COLEC12: variants seen among roughly 807,000 people sequenced by gnomAD.
COLEC12 encodes collectin-12.
COLEC12 carries 33 observed loss-of-function variants against 71.1 expected under a neutral mutation model. The observed-to-expected ratio is 0.46, with a 90% CI of 0.35 to 0.62. The LOEUF is 0.62. Ranked by LOEUF, COLEC12 falls within the 20% of genes least tolerant of loss-of-function variation. COLEC12 has a pLI of 0.00. For synonymous variants in COLEC12, 350 were observed against 353.0 expected (o/e 0.99, Z 0.10); for missense variants, 765 against 916.1 (o/e 0.84, Z 2.13).
intron 2 of COLEC12, among the ~76,000 whole-genome samples, chr18:462,464 C>G (rs1193022420): frequency 1.3e-5 from 2 of 152,088 alleles, no homozygotes; most frequent in Non-Finnish European, 2.9e-5. Context: ...TCAGCACAGG[C>G]AAATCCATAG....
At chr18:393,838 C>T (rs72861804) in intron 2 of COLEC12, among the ~76,000 whole-genome samples, 4,082 of 152,280 alleles carry the variant, frequency 0.027, 76 homozygotes, top group Non-Finnish European at 0.04. Context: ...GTTCCAGATG[C>T]CTAATAGATG....
At chr18:473,016 T>C (rs1309327293) in intron 2 of COLEC12, among the ~76,000 whole-genome samples, 1 of 152,114 alleles carries the variant, frequency 6.6e-6, no homozygotes, top group Non-Finnish European at 1.5e-5. Context: ...GGTTTTATAA[T>C]ATCAATATAT....
In COLEC12 at chr18:362,549, C is replaced by T. The variant is rs1914768899; in HGVS notation, c.59-5027G>A. Among the ~76,000 whole-genome samples the T allele has an allele frequency of 6.6e-6, 1 of 151,342 alleles. No homozygotes were observed. Among genetic ancestry groups the T allele is most frequent in the Non-Finnish European group, 1.5e-5 (1 of 67,878 alleles). On this transcript the variant is annotated intron_variant, in intron 2 of 9. Transcript: ENST00000400256. The surrounding 1 kb of genome is among the most constrained non-coding windows in gnomAD (Gnocchi z 4.6). ...TGTAGTGTTTGTTTTCTTAGCATTACTTTCCAGAGCCTGGGGACTTTGTTC... is the reference window on the plus strand; with the variant it reads ...TGTAGTGTTTGTTTTCTTAGCATTATTTTCCAGAGCCTGGGGACTTTGTTC...
chr18:401,174 C>T (rs1004338286), intron 2 of COLEC12, among the ~76,000 whole-genome samples: 1 of 152,238 alleles, frequency 6.6e-6, no homozygotes, highest in East Asian at 1.9e-4. Context: ...CCCAGCTATT[C>T]TCACCAATAC....
In COLEC12 at chr18:480,781, T is replaced by C. The variant is rs904255820; in HGVS notation, c.8-24A>G. 25 of 1,610,296 alleles carry C rather than the reference T, an allele frequency of 1.6e-5. No homozygotes were observed. The highest frequency in any genetic ancestry group is 2.1e-5 in the Non-Finnish European group (25 of 1,176,492). On this transcript the variant is annotated intron_variant, in intron 1 of 9. Coordinates refer to ENST00000400256, the MANE Select transcript of COLEC12 (RefSeq NM_130386.3). This position sits in a 1 kb window ranked among gnomAD's most constrained non-coding sequence, Gnocchi z 4.1. ...GTCTGTGAGAGAAGAAGAGACACGA[T>C]GTTAATCCTGGCAAGGGGCACAGAA...
chr18:411,298 A>G (rs80002967), intron 2 of COLEC12, among the ~76,000 whole-genome samples: 1,567 of 152,300 alleles, frequency 0.01, 8 homozygotes, highest in Middle Eastern at 0.02. Flanking sequence ...ATAATACTAA[A>G]ATATCCTGGT....
At chr18:415,158 CTAACAT>C (rs1443202484) in intron 2 of COLEC12, among the ~76,000 whole-genome samples, 5 of 152,228 alleles carry the variant, frequency 3.3e-5, no homozygotes, top group African/African-American at 1.2e-4. Flanking sequence ...TTGCAGTTTA[CTAACAT>C]TATTTCATTT....
At chr18:368,316 T>TA (rs1914898949) in intron 2 of COLEC12, among the ~76,000 whole-genome samples, 1 of 152,238 alleles carries the variant, frequency 6.6e-6, no homozygotes, top group African/African-American at 2.4e-5. Context: ...CTCATGTCTG[T>TA]AATCCCAACA....
In COLEC12 at chr18:362,959, G is replaced by A. The variant is rs886171682; in HGVS notation, c.59-5437C>T. Among the ~76,000 whole-genome samples the A allele has an allele frequency of 6.6e-6, 1 of 152,102 alleles. No individual in the cohort carries two copies. Among genetic ancestry groups the A allele is most frequent in the African/African-American group, 2.4e-5 (1 of 41,408 alleles). ...GAAGTTCAGAATAGGCTGACAATTT[G>A]GTCCCCAGTGCCCAAACTCAAAGTC... On this transcript the variant is annotated intron_variant, in intron 2 of 9. Transcript: ENST00000400256. The surrounding 1 kb of genome is among the most constrained non-coding windows in gnomAD (Gnocchi z 4.6).
intron 2 of COLEC12, among the ~76,000 whole-genome samples, chr18:420,174 TAATC>T (rs1461040645): frequency 2.0e-5 from 3 of 152,160 alleles, no homozygotes; most frequent in Non-Finnish European, 4.4e-5. Flanking sequence ...ATAATAATAA[TAATC>T]AATTGCTTTA....
At chr18:372,110 T>C (rs1915013516) in intron 2 of COLEC12, among the ~76,000 whole-genome samples, 1 of 152,098 alleles carries the variant, frequency 6.6e-6, no homozygotes, top group East Asian at 1.9e-4. Context: ...CACCCGCCTA[T>C]CCCACCTCCC....
intron 3 of COLEC12, among the ~76,000 whole-genome samples, chr18:355,597 T>C (rs557381614): frequency 1.0e-3 from 158 of 152,300 alleles, no homozygotes; most frequent in African/African-American, 3.7e-3. Flanking sequence ...CAGGTAAAAA[T>C]TACAACATGT....
intron 8 of COLEC12, among the ~76,000 whole-genome samples, chr18:330,873 G>GTTTTTTTTTTTTTTTTTTTTTT (rs60146586): frequency 5.2e-5 from 7 of 133,768 alleles, no homozygotes; most frequent in African/African-American, 8.4e-5. Flanking sequence ...CACATTTGTA[G>GTTTTTTTTTTTTTTTTTTTTTT]TTTTTTTTTT....
At chr18:445,340 G>A (rs1272334796) in intron 2 of COLEC12, among the ~76,000 whole-genome samples, 1 of 152,156 alleles carries the variant, frequency 6.6e-6, no homozygotes, top group African/African-American at 2.4e-5. Context: ...TGCAGATGTT[G>A]CCTATATTTG....
At chr18:487,819 C>G (rs1284217729) in intron 1 of COLEC12, among the ~76,000 whole-genome samples, 1 of 152,138 alleles carries the variant, frequency 6.6e-6, no homozygotes, top group Non-Finnish European at 1.5e-5. Flanking sequence ...ACAGCCCAAC[C>G]AGGTAAACTT....
At chr18:410,321 T>C (rs539494847) in intron 2 of COLEC12, among the ~76,000 whole-genome samples, 2 of 152,246 alleles carry the variant, frequency 1.3e-5, no homozygotes, top group Non-Finnish European at 2.9e-5. Flanking sequence ...TCCTGCCAAG[T>C]ATAACTAAAA....
At chr18:481,985 G>A (rs1210177497) in intron 1 of COLEC12, among the ~76,000 whole-genome samples, 1 of 151,942 alleles carries the variant, frequency 6.6e-6, no homozygotes, top group Non-Finnish European at 1.5e-5. Context: ...TGTGGGTTGT[G>A]GGGGTTTGGT....
Position 380,704 on chromosome 18 carries a change from T to G in COLEC12, c.59-23182A>C, listed in dbSNP as rs550021040. Among the ~76,000 whole-genome samples the G allele has an allele frequency of 1.4e-3, 218 of 152,218 alleles. 2 individuals carry two copies. The highest frequency in any genetic ancestry group is 2.5e-3 in the Non-Finnish European group (171 of 68,008). ...CATGAAGTTTCTGATCATGCCCCAG[T>G]GATAATATGGATGTGACGGAAAGAA... On this transcript the variant is annotated intron_variant, in intron 2 of 9. Coordinates refer to ENST00000400256, the MANE Select transcript of COLEC12 (RefSeq NM_130386.3).
intron 1 of COLEC12, among the ~76,000 whole-genome samples, chr18:493,726 C>G (rs1917659643): frequency 6.6e-6 from 1 of 152,246 alleles, no homozygotes; most frequent in South Asian, 2.1e-4. Flanking sequence ...CTAGTTAGAA[C>G]TTGGTGGCCC....
Sources: gnomAD v4.1 joint callset for allele counts (sites outside exome capture counted in the v4.1 genomes callset) on GRCh38, gnomAD v4.1.1 for gene constraint, Gnocchi (gnomAD v3.1) non-coding constraint, MANE v1.5 for transcripts, NCBI Gene and HGNC (gene_info 2026-07-23, HGNC 2026-07-21) for gene names.